SLC24A3: variants seen among roughly 807,000 people sequenced by gnomAD.
SLC24A3 encodes solute carrier family 24 member 3, also known as sodium/potassium/calcium exchanger 3.
Under a neutral mutation model 75.8 loss-of-function variants are expected in SLC24A3, and 28 were observed. That is an observed-to-expected ratio of 0.37 (90% CI 0.27 to 0.51). The LOEUF is 0.51. Ranked by LOEUF, SLC24A3 falls within the 20% of genes least tolerant of loss-of-function variation. The pLI, the probability that SLC24A3 is intolerant of heterozygous loss-of-function variation, is 0.94. For missense variants in SLC24A3, 663 were observed against 847.8 expected, an observed-to-expected ratio of 0.78 and a Z score of 2.71; for synonymous variants, 372 against 334.1, an observed-to-expected ratio of 1.11 and a Z score of -1.24.
At chr20:19,481,314 G>A (rs994127533) in intron 2 of SLC24A3, among the ~76,000 whole-genome samples, 1 of 152,206 alleles carries the variant, frequency 6.6e-6, no homozygotes, top group African/African-American at 2.4e-5. Flanking sequence ...ACCCGTTTTA[G>A]CACTTCACAC....
chr20:19,553,663 T>C (rs1177172187), intron 3 of SLC24A3, among the ~76,000 whole-genome samples: 1 of 152,184 alleles, frequency 6.6e-6, no homozygotes, highest in Non-Finnish European at 1.5e-5. Flanking sequence ...ATGCTGTCCA[T>C]GTCAGCTGGC....
At chr20:19,665,792 CGTGTGTGTGTGTGTGTGTGTGT>C (rs58371474) in intron 7 of SLC24A3, 50 bp from the exon 8 acceptor site, 3 of 1,203,210 alleles carry the variant, frequency 2.5e-6, no homozygotes, top group Non-Finnish European at 3.4e-6. Context: ...AGCCTTAAAG[CGTGTGTGTGTGTGTGTGTGTGT>C]GTGTGTGTGT....
chr20:19,306,123 G>T (rs1984321840), intron 2 of SLC24A3, among the ~76,000 whole-genome samples: 1 of 152,138 alleles, frequency 6.6e-6, no homozygotes, highest in Non-Finnish European at 1.5e-5. Flanking sequence ...ATATGAAAAA[G>T]TGTTCAACAT....
chr20:19,650,010 G>A (rs566485935), intron 6 of SLC24A3, among the ~76,000 whole-genome samples: 1 of 152,246 alleles, frequency 6.6e-6, no homozygotes, highest in African/African-American at 2.4e-5. Context: ...GTGTCAGAAA[G>A]GTAAATCAGA....
At chr20:19,507,026 T>A (rs1988471527) in intron 2 of SLC24A3, among the ~76,000 whole-genome samples, 1 of 152,236 alleles carries the variant, frequency 6.6e-6, no homozygotes, top group African/African-American at 2.4e-5. Context: ...AATGTAAGCA[T>A]GCATTGAAAT....
At chr20:19,288,067 C>A (rs1264554736) in intron 2 of SLC24A3, among the ~76,000 whole-genome samples, 1 of 152,304 alleles carries the variant, frequency 6.6e-6, no homozygotes, top group South Asian at 2.1e-4. Flanking sequence ...TGATGGAGAT[C>A]ATTTATAGGA....
At chr20:19,717,158 G>A (rs1016147148) in intron 15 of SLC24A3, among the ~76,000 whole-genome samples, 3 of 152,210 alleles carry the variant, frequency 2.0e-5, no homozygotes, top group African/African-American at 7.2e-5. Context: ...ACGGGTTTGA[G>A]AAAGTAAAAG....
chr20:19,475,977 G>A (rs6046128), intron 2 of SLC24A3, among the ~76,000 whole-genome samples: 102,229 of 152,050 alleles, frequency 0.67, 35,440 homozygotes, highest in African/African-American at 0.85. Context: ...ATAACAATGG[G>A]AATAGCCTTG....
chr20:19,484,747 T>C (rs1295906676), intron 2 of SLC24A3, among the ~76,000 whole-genome samples: 1 of 152,210 alleles, frequency 6.6e-6, no homozygotes, highest in African/African-American at 2.4e-5. Context: ...GATGAAAATG[T>C]TCTGCCTAGT....
intron 3 of SLC24A3, among the ~76,000 whole-genome samples, chr20:19,529,793 G>A (rs1489670852): frequency 1.3e-5 from 2 of 152,176 alleles, no homozygotes; most frequent in East Asian, 3.9e-4. Flanking sequence ...CCTGCTGCCT[G>A]TGCAGTTTGT....
intron 1 of SLC24A3, among the ~76,000 whole-genome samples, chr20:19,215,027 C>CT (rs1033974433): frequency 2.0e-5 from 3 of 152,024 alleles, no homozygotes; most frequent in Non-Finnish European, 2.9e-5. Flanking sequence ...TCTCCAATCA[C>CT]TTTTTTTTCC....
At chr20:19,326,405 C>T (rs993244256) in intron 2 of SLC24A3, among the ~76,000 whole-genome samples, 5 of 152,068 alleles carry the variant, frequency 3.3e-5, no homozygotes, top group Admixed American at 3.3e-4. Context: ...TGACTACTCT[C>T]TTCTTTCACT....
chr20:19,636,722 G>C (rs719540), intron 6 of SLC24A3, among the ~76,000 whole-genome samples: 48,187 of 151,870 alleles, frequency 0.32, 9,098 homozygotes, highest in African/African-American at 0.53. Flanking sequence ...ACTCACACTA[G>C]CTGCCACATC....
At chr20:19,653,870 A>G (rs2032235098) in intron 6 of SLC24A3, among the ~76,000 whole-genome samples, 192 bp from the exon 7 acceptor site, 1 of 152,184 alleles carries the variant, frequency 6.6e-6, no homozygotes, top group Non-Finnish European at 1.5e-5. Flanking sequence ...TTGCAGGTTT[A>G]ATTGTATCTT....
At chr20:19,313,452 C>T (rs1310521030) in intron 2 of SLC24A3, among the ~76,000 whole-genome samples, 1 of 152,152 alleles carries the variant, frequency 6.6e-6, no homozygotes, top group African/African-American at 2.4e-5. Context: ...CAAGGAAAAG[C>T]AGTGGGGTGT....
intron 2 of SLC24A3, among the ~76,000 whole-genome samples, chr20:19,509,383 A>G (rs1394675519): frequency 6.6e-6 from 1 of 152,214 alleles, no homozygotes; most frequent in Non-Finnish European, 1.5e-5. Context: ...TGACATCAGC[A>G]CCAGCCATCA....
chr20:19,270,728 A>G (rs893603589), intron 1 of SLC24A3, among the ~76,000 whole-genome samples: 1 of 152,036 alleles, frequency 6.6e-6, no homozygotes, highest in Non-Finnish European at 1.5e-5. Context: ...GTAAGAAGAA[A>G]CCCCATATTG....
At chr20:19,559,074 C>T (rs1338931868) in intron 3 of SLC24A3, among the ~76,000 whole-genome samples, 1 of 152,154 alleles carries the variant, frequency 6.6e-6, no homozygotes, top group African/African-American at 2.4e-5. Context: ...CTTTACCTTT[C>T]ACACTCCCAC....
At chr20:19,612,607 A>ATGT (rs144660193) in intron 6 of SLC24A3, among the ~76,000 whole-genome samples, 1 of 146,832 alleles carries the variant, frequency 6.8e-6, no homozygotes, top group Non-Finnish European at 1.5e-5. Flanking sequence ...CCTTAAGAAA[A>ATGT]GTGTGTGTGT....
Sources: allele counts gnomAD v4.1 joint callset (sites outside exome capture counted in the v4.1 genomes callset), GRCh38; gene constraint gnomAD v4.1.1; transcripts MANE v1.5; gene names NCBI Gene and HGNC (gene_info 2026-07-23, HGNC 2026-07-21).